SSBP2: variants seen among roughly 807,000 people sequenced by gnomAD.
SSBP2 encodes the protein single stranded DNA binding protein 2.
A neutral mutation model predicts 61.8 loss-of-function variants in SSBP2; 17 were observed. The observed-to-expected ratio is 0.28, with a 90% CI of 0.19 to 0.41. The LOEUF (loss-of-function observed/expected upper bound fraction) is 0.41, where lower values mean the gene tolerates loss of function less well. Ranked by LOEUF, SSBP2 falls within the 10% of genes least tolerant of loss-of-function variation. SSBP2 has a pLI of 1.00. For synonymous variants in SSBP2, 139 were observed against 141.3 expected (o/e 0.98, Z 0.12); for missense variants, 310 against 458.7 (o/e 0.68, Z 2.96).
intron 16 of SSBP2, among the ~76,000 whole-genome samples, chr5:81,422,402 G>A (rs371372699): frequency 6.6e-6 from 1 of 152,128 alleles, no homozygotes; most frequent in Non-Finnish European, 1.5e-5. Context: ...GATGTCATTA[G>A]GGCTCAAACC....
At chr5:81,612,402 G>A (rs1220166078) in intron 4 of SSBP2, among the ~76,000 whole-genome samples, 1 of 152,040 alleles carries the variant, frequency 6.6e-6, no homozygotes, top group Non-Finnish European at 1.5e-5. Flanking sequence ...CTGTTTTAAA[G>A]TAACTTTCCT....
At chr5:81,682,320 A>C (rs1752447334) in intron 1 of SSBP2, among the ~76,000 whole-genome samples, 2 of 152,330 alleles carry the variant, frequency 1.3e-5, no homozygotes, top group Non-Finnish European at 1.5e-5. Flanking sequence ...AATGTATAGG[A>C]GGAATTATAC....
intron 5 of SSBP2, among the ~76,000 whole-genome samples, chr5:81,490,130 A>G (rs899379485): frequency 1.3e-5 from 2 of 152,172 alleles, no homozygotes; most frequent in African/African-American, 4.8e-5. Context: ...AACAAAAGAA[A>G]AAAATGATCT....
At chr5:81,579,968 T>A (rs1774518267) in intron 4 of SSBP2, among the ~76,000 whole-genome samples, 1 of 152,162 alleles carries the variant, frequency 6.6e-6, no homozygotes, top group African/African-American at 2.4e-5. Context: ...TATCTTAATT[T>A]CTGATTGTAC....
chr5:81,678,304 T>G (rs1752140191), intron 1 of SSBP2, among the ~76,000 whole-genome samples: 1 of 152,150 alleles, frequency 6.6e-6, no homozygotes, highest in Non-Finnish European at 1.5e-5. Flanking sequence ...AGACTAGATG[T>G]GGCTGAAGGA....
intron 1 of SSBP2, 62 bp downstream of exon 1, chr5:81,750,919 A>AGAGC: frequency 6.7e-7 from 1 of 1,502,622 alleles, no homozygotes; most frequent in East Asian, 2.5e-5. Flanking sequence ...AGAGTGTGCG[A>AGAGC]GTGCGTGCGT....
At chr5:81,459,757 T>C (rs1764412434) in intron 10 of SSBP2, among the ~76,000 whole-genome samples, 2 of 152,228 alleles carry the variant, frequency 1.3e-5, no homozygotes, top group Admixed American at 6.5e-5. Flanking sequence ...CTTGAATGAA[T>C]TGGTTAGGTC....
intron 1 of SSBP2, among the ~76,000 whole-genome samples, chr5:81,723,829 T>C (rs77561280): frequency 5.2e-4 from 79 of 152,150 alleles, no homozygotes; most frequent in African/African-American, 1.8e-3. Flanking sequence ...TATTATAGAC[T>C]AGTGTTTGTC....
chr5:81,626,026 TGTTA>T (rs997369804), intron 3 of SSBP2, among the ~76,000 whole-genome samples: 22 of 152,226 alleles, frequency 1.4e-4, no homozygotes, highest in African/African-American at 4.6e-4. Flanking sequence ...TATCAATGAA[TGTTA>T]GTTACTGACA....
At position 81,489,236 on chromosome 5, in the gene SSBP2, CA is replaced by C; in HGVS notation, c.432+13del. ...TGATTCTTACAAAAAACTTACATAG[CA>C]CATAAATCTTACCTGATTAGGTATC... On this transcript the variant is annotated intron_variant, in intron 6 of 16. Coordinates refer to ENST00000320672, the MANE Select transcript of SSBP2 (RefSeq NM_012446.5). The C allele has an allele frequency of 6.2e-7, 1 of 1,603,302 alleles. No individual in the cohort carries two copies. Among genetic ancestry groups the C allele is most frequent in the Non-Finnish European group, 8.5e-7 (1 of 1,174,180 alleles).
intron 4 of SSBP2, among the ~76,000 whole-genome samples, chr5:81,561,840 A>G (rs1158945116): frequency 3.9e-5 from 6 of 152,154 alleles, no homozygotes; most frequent in Admixed American, 3.9e-4. Flanking sequence ...CAATGTCACA[A>G]CTTTAAAAAA....
At chr5:81,493,500 A>C (rs1470393718) in intron 5 of SSBP2, among the ~76,000 whole-genome samples, 1 of 152,172 alleles carries the variant, frequency 6.6e-6, no homozygotes, top group African/African-American at 2.4e-5. Context: ...TCACACCTGT[A>C]ATCCCAACAC....
intron 4 of SSBP2, among the ~76,000 whole-genome samples, chr5:81,577,782 A>G (rs549061448): frequency 6.6e-6 from 1 of 151,950 alleles, no homozygotes; most frequent in Admixed American, 6.6e-5. Flanking sequence ...TTTTTTCTAC[A>G]TCTTTTGCCC....
intron 14 of SSBP2, among the ~76,000 whole-genome samples, chr5:81,438,072 G>A (rs775443995): frequency 8.6e-5 from 13 of 152,038 alleles, no homozygotes; most frequent in South Asian, 2.1e-4. Flanking sequence ...AATAGAGACC[G>A]GGTGCAGTGG....
chr5:81,583,761 T>C (rs1349420101), intron 4 of SSBP2, among the ~76,000 whole-genome samples: 1 of 152,168 alleles, frequency 6.6e-6, no homozygotes, highest in Non-Finnish European at 1.5e-5. Context: ...CTATTTCTAA[T>C]GAACAACTTC....
chr5:81,622,205 G>T (rs1178497682), intron 3 of SSBP2, among the ~76,000 whole-genome samples: 2 of 151,716 alleles, frequency 1.3e-5, no homozygotes, highest in African/African-American at 2.4e-5. Context: ...AGACTGGGGG[G>T]GAAAAATTAT....
intron 3 of SSBP2, among the ~76,000 whole-genome samples, chr5:81,623,246 A>G (rs890815862): frequency 1.3e-5 from 2 of 152,152 alleles, no homozygotes; most frequent in Admixed American, 1.3e-4. Context: ...CTTCTTTCCT[A>G]ATTTCCCTAA....
chr5:81,595,401 C>A (rs1448177939), intron 4 of SSBP2, among the ~76,000 whole-genome samples: 1 of 152,196 alleles, frequency 6.6e-6, no homozygotes, highest in Non-Finnish European at 1.5e-5. Context: ...CAGCCGAGTT[C>A]TACCAGAGGT....
At chr5:81,605,756 C>A (rs994311741) in intron 4 of SSBP2, among the ~76,000 whole-genome samples, 1 of 152,158 alleles carries the variant, frequency 6.6e-6, no homozygotes, top group East Asian at 1.9e-4. Flanking sequence ...CCAGGCAAAG[C>A]ACTGAAAGCC....
Sources: gnomAD v4.1 joint callset for allele counts (sites outside exome capture counted in the v4.1 genomes callset) on GRCh38, gnomAD v4.1.1 for gene constraint, MANE v1.5 for transcripts, NCBI Gene and HGNC (gene_info 2026-07-23, HGNC 2026-07-21) for gene names.